Variants in YIPF5 observed in about 807,000 individuals in gnomAD.
YIPF5 encodes Yip1 domain family member 5, also known as protein YIPF5.
YIPF5 carries 8 observed loss-of-function variants against 30.4 expected under a neutral mutation model. That is an observed-to-expected ratio of 0.26 (90% CI 0.15 to 0.47). The LOEUF (loss-of-function observed/expected upper bound fraction) is 0.47. Among genes scored for constraint, YIPF5 ranks in the 20% least tolerant of loss-of-function variants. The pLI is 0.99. For synonymous variants in YIPF5, 104 were observed against 107.9 expected, an observed-to-expected ratio of 0.96 and a Z score of 0.23; for missense variants, 282 against 301.8, an observed-to-expected ratio of 0.93 and a Z score of 0.49.
At chr5:144,165,146 T>A (rs1752166418) in intron 3 of YIPF5, among the ~76,000 whole-genome samples, 1 of 152,220 alleles carries the variant, frequency 6.6e-6, no homozygotes, top group Non-Finnish European at 1.5e-5. Context: ...CACTTTTTCT[T>A]CTCACTTTTC....
intron 3 of YIPF5, among the ~76,000 whole-genome samples, chr5:144,164,867 G>T (rs1374375142): frequency 6.6e-6 from 1 of 152,156 alleles, no homozygotes; most frequent in South Asian, 2.1e-4. Flanking sequence ...TACAAAAAGG[G>T]TTAACAGTAA....
At chr5:144,166,550 C>T (rs967015561) in intron 2 of YIPF5, among the ~76,000 whole-genome samples, 2 of 152,134 alleles carry the variant, frequency 1.3e-5, no homozygotes, top group Admixed American at 1.3e-4. Flanking sequence ...TTCTTATAGT[C>T]ATAATGTCAG....
chr5:144,160,368 C>A lies in YIPF5; in HGVS notation c.*29G>T, dbSNP rs1468302028. 3 of 1,598,536 alleles carry A rather than the reference C, an allele frequency of 1.9e-6. No individual in the cohort carries two copies. The highest frequency in any genetic ancestry group is 2.7e-5 in the African/African-American group (2 of 74,360). On this transcript the variant is annotated 3_prime_UTR_variant, in exon 6 of 6. Coordinates refer to ENST00000274496, the MANE Select transcript of YIPF5 (RefSeq NM_030799.9). The stretch of plus-strand genomic sequence containing the variant: ...TCAAGGTCCTTTTTGTACATCTGGC[C>A]CACTGATGTCCACATCCCAGATAAA...
chr5:144,163,201 T>C (rs917077063), intron 4 of YIPF5, among the ~76,000 whole-genome samples: 2 of 152,036 alleles, frequency 1.3e-5, no homozygotes, highest in Non-Finnish European at 2.9e-5. Context: ...TTTTGTCACA[T>C]AAAAAGTAAA....
intron 4 of YIPF5, among the ~76,000 whole-genome samples, chr5:144,162,788 C>T (rs1370488832): frequency 2.0e-5 from 3 of 152,126 alleles, no homozygotes; most frequent in African/African-American, 7.2e-5. Flanking sequence ...GTTGAAAGTA[C>T]CTAATTCCAC....
Position 144,159,492 on chromosome 5 carries a change from G to A in YIPF5, c.*905C>T, listed in dbSNP as rs528807943. ...ATGTAAGTAAGTGTTCGCATTTCAT[G>A]TCTACAATAAGGTAGATTGTGAACT... On this transcript the variant is annotated 3_prime_UTR_variant, in exon 6 of 6. Transcript: ENST00000274496. 4.2e-4 allele frequency: 412 copies of A among 980,398 alleles called. 1 individual carries two copies. Among genetic ancestry groups the A allele is most frequent in the Non-Finnish European group, 4.8e-4 (400 of 827,912 alleles). 60.7% of individuals were successfully genotyped at this position (980,398 alleles called of 1,614,324 possible).
intron 2 of YIPF5, among the ~76,000 whole-genome samples, chr5:144,166,581 C>T (rs960792784): frequency 2.6e-5 from 4 of 152,112 alleles, no homozygotes; most frequent in African/African-American, 4.8e-5. Flanking sequence ...TGGGGTGAGG[C>T]TCTCTATTCG....
chr5:144,160,355 T>C lies in YIPF5; in HGVS notation c.*42A>G. ...CCAATTTAAGAGTTCAAGGTCCTTT[T>C]TGTACATCTGGCCCACTGATGTCCA... On this transcript the variant is annotated 3_prime_UTR_variant, in exon 6 of 6. Transcript: ENST00000274496. 1 of 1,586,044 alleles carries C rather than the reference T, an allele frequency of 6.3e-7. No homozygotes were observed. Among genetic ancestry groups the C allele is most frequent in the Non-Finnish European group, 8.6e-7 (1 of 1,163,620 alleles).
At chr5:144,170,024 C>A (rs1357150365) in intron 1 of YIPF5, 59 bp from the exon 2 acceptor site, 2 of 1,383,590 alleles carry the variant, frequency 1.4e-6, no homozygotes, top group Non-Finnish European at 2.1e-6. Flanking sequence ...TGAATTCGTT[C>A]CTGGCAGTCT....
At chr5:144,164,302 T>C (rs1752136945) in intron 3 of YIPF5, 46 bp from the exon 4 acceptor site, 1 of 1,535,364 alleles carries the variant, frequency 6.5e-7, no homozygotes, top group Non-Finnish European at 8.9e-7. Context: ...TTGTGATGTA[T>C]TTTTAATTCA....
Position 144,164,263 on chromosome 5 carries a change from A to G in YIPF5, c.284-7T>C, listed in dbSNP as rs747410523. 6.3e-7 allele frequency: 1 copy of G among 1,595,634 alleles called. No individual in the cohort carries two copies. The highest frequency in any genetic ancestry group is 1.2e-5 in the South Asian group (1 of 86,726). On this transcript the variant is annotated splice_region_variant and splice_polypyrimidine_tract_variant and intron_variant, in intron 3 of 5. Coordinates refer to ENST00000274496, the MANE Select transcript of YIPF5 (RefSeq NM_030799.9). ...TCAAAATTGATACCTAACTCTAAAG[A>G]GAAAGAAAATTTAAAAGTTAATTAG...
At position 144,159,149 on chromosome 5, in the gene YIPF5, T is replaced by TA. The variant is rs1751954782; in HGVS notation, c.*1247_*1248insT. The TA allele has an allele frequency of 1.0e-6, 1 of 985,036 alleles. No individual in the cohort carries two copies. Among genetic ancestry groups the TA allele is most frequent in the South Asian group, 4.7e-5 (1 of 21,280 alleles). The allele number at this position is 985,036 out of a possible 1,614,324, so 61.0% of individuals were successfully genotyped here. A position where few individuals can be genotyped will look rare whatever the true frequency, so the allele number is the denominator to read the frequency against. ...CTGCTCATTTAATCCCCTTTTTGTC[T>TA]GATTCTATATTAGCTGATTTCTATT... On this transcript the variant is annotated 3_prime_UTR_variant, in exon 6 of 6. Transcript: ENST00000274496.
Position 144,164,776 on chromosome 5 carries a change from G to T in YIPF5, c.284-520C>A, listed in dbSNP as rs573480851. Among the ~76,000 whole-genome samples the T allele has an allele frequency of 3.3e-5, 5 of 152,144 alleles. No individual in the cohort carries two copies. The South Asian group carries it at 1.0e-3, about 32-fold the overall frequency. ...TCATCCCACAAATATGTCATTTCTG[G>T]ATTGGTGTTGGAAAAGGGTATGGAT... On this transcript the variant is annotated intron_variant, in intron 3 of 5. Transcript: ENST00000274496.
intron 2 of YIPF5, among the ~76,000 whole-genome samples, 195 bp downstream of exon 2, chr5:144,169,651 C>T (rs928345711): frequency 2.0e-5 from 3 of 152,190 alleles, no homozygotes; most frequent in African/African-American, 7.2e-5. Context: ...AGAAGACACT[C>T]AACTCTTAAA....
chr5:144,163,859 A>C (rs1279604467), intron 4 of YIPF5: 1 of 311,768 alleles, frequency 3.2e-6, no homozygotes, highest in Non-Finnish European at 5.7e-6. Flanking sequence ...CCTGTTGTTT[A>C]CTATTTTTTT....
rs558777516 is a variant in YIPF5 at position 144,162,470 on chromosome 5, A to T, written c.430-71T>A. The T allele has an allele frequency of 3.0e-6, 4 of 1,334,642 alleles. No homozygotes were observed. In the African/African-American group the frequency reaches 5.9e-5, roughly 20 times the overall value. 82.7% of individuals were successfully genotyped at this position (1,334,642 alleles called of 1,614,324 possible). A position where few individuals can be genotyped will look rare whatever the true frequency, so the allele number is the denominator to read the frequency against. ...TTTCTGGCCTTATTTCACCTGAATC[A>T]GTACATGTAGCAAATAATTTATGAG... On this transcript the variant is annotated intron_variant, in intron 4 of 5. Transcript: ENST00000274496.
chr5:144,159,100 T>C lies in YIPF5; in HGVS notation c.*1297A>G, dbSNP rs897489548. The C allele has an allele frequency of 1.9e-5, 19 of 981,216 alleles. No homozygotes were observed. Among genetic ancestry groups the C allele is most frequent in the African/African-American group, 3.5e-5 (2 of 57,148 alleles). The allele number at this position is 981,216 out of a possible 1,614,324, so 60.8% of individuals were successfully genotyped here. ...GACAATATAAATCAAATAAATTTAA[T>C]ACAATAAAATAATGTAACTCAAACT... On this transcript the variant is annotated 3_prime_UTR_variant, in exon 6 of 6. Coordinates refer to ENST00000274496, the MANE Select transcript of YIPF5 (RefSeq NM_030799.9).
intron 5 of YIPF5, among the ~76,000 whole-genome samples, chr5:144,161,458 C>T (rs1752043625): frequency 6.6e-6 from 1 of 150,974 alleles, no homozygotes; most frequent in Admixed American, 6.6e-5. Context: ...GATTCTCCTG[C>T]CTCAGCCTCC....
intron 2 of YIPF5, among the ~76,000 whole-genome samples, chr5:144,168,716 A>G (rs975312798): frequency 6.6e-6 from 1 of 152,244 alleles, no homozygotes; most frequent in Non-Finnish European, 1.5e-5. Context: ...TACCAAATTA[A>G]GCAGACTCAA....
Sources: gnomAD v4.1 joint callset for allele counts (sites outside exome capture counted in the v4.1 genomes callset) on GRCh38, gnomAD v4.1.1 for gene constraint, MANE v1.5 for transcripts, NCBI Gene and HGNC (gene_info 2026-07-23, HGNC 2026-07-21) for gene names.